Variants in ZNF804B observed in about 807,000 individuals in gnomAD.
The protein encoded by ZNF804B is zinc finger protein 804B.
ZNF804B carries 80 observed loss-of-function variants against 101.4 expected under a neutral mutation model. The observed-to-expected ratio is 0.79, with a 90% CI of 0.66 to 0.95. ZNF804B has a LOEUF of 0.95. ZNF804B is among the 40% of genes least tolerant of loss of function. ZNF804B has a pLI of 0.00. For missense variants in ZNF804B, 1,673 were observed against 1,561.9 expected, an observed-to-expected ratio of 1.07 and a Z score of -1.20; for synonymous variants, 622 against 558.8, an observed-to-expected ratio of 1.11 and a Z score of -1.59.
chr7:88,800,002 A>T (rs1790553738), intron 1 of ZNF804B, among the ~76,000 whole-genome samples: 3 of 152,064 alleles, frequency 2.0e-5, no homozygotes, highest in Admixed American at 2.0e-4. Context: ...TTCCATCTGG[A>T]ATACCAGGCT....
intron 1 of ZNF804B, among the ~76,000 whole-genome samples, chr7:89,172,574 C>G: frequency 6.6e-6 from 1 of 152,122 alleles, no homozygotes; most frequent in East Asian, 1.9e-4. Context: ...ATACAGTAAA[C>G]TAAAAATTTC....
intron 1 of ZNF804B, among the ~76,000 whole-genome samples, chr7:89,080,190 T>G (rs1321585586): frequency 6.6e-6 from 1 of 151,788 alleles, no homozygotes; most frequent in African/African-American, 2.4e-5. Context: ...TTGGGTCTAA[T>G]TTGAAGAAAC....
intron 1 of ZNF804B, among the ~76,000 whole-genome samples, chr7:89,072,476 G>A (rs1226264664): frequency 6.6e-6 from 1 of 152,060 alleles, no homozygotes; most frequent in Non-Finnish European, 1.5e-5. Context: ...TAAACATTTG[G>A]ATATCTGATA....
rs558992682 is a variant in ZNF804B, at chr7:89,205,682, C to A, written c.109-12473C>A. ...GGGCAGCTCCTTCCCTGTGACTTTG[C>A]AGGGTACATTCCCCCTCCTGGCTGT... On this transcript the variant is annotated intron_variant, in intron 1 of 3. Transcript: ENST00000333190. Among the ~76,000 whole-genome samples, 6 of 152,278 alleles carry A rather than the reference C, an allele frequency of 3.9e-5. No individual in the cohort carries two copies. The South Asian group carries it at 1.2e-3, about 32-fold the overall frequency.
intron 1 of ZNF804B, among the ~76,000 whole-genome samples, chr7:89,162,139 A>C (rs899913387): frequency 1.3e-5 from 2 of 152,086 alleles, no homozygotes; most frequent in East Asian, 1.9e-4. Flanking sequence ...GGCGGGGGGA[A>C]GTCTTATTGA....
intron 1 of ZNF804B, among the ~76,000 whole-genome samples, chr7:89,120,501 C>CA (rs1397649617): frequency 1.3e-5 from 2 of 151,056 alleles, no homozygotes; most frequent in East Asian, 3.9e-4. Flanking sequence ...ACTAAAAATA[C>CA]AAAAAAATTA....
At chr7:89,217,224 C>T (rs1470884887) in intron 1 of ZNF804B, among the ~76,000 whole-genome samples, 1 of 152,118 alleles carries the variant, frequency 6.6e-6, no homozygotes, top group African/African-American at 2.4e-5. Flanking sequence ...AAATATGATA[C>T]AGGCAAGGTA....
chr7:88,817,289 G>A (rs542269760), intron 1 of ZNF804B, among the ~76,000 whole-genome samples: 1 of 152,246 alleles, frequency 6.6e-6, no homozygotes, highest in South Asian at 2.1e-4. Flanking sequence ...TAAATAATGA[G>A]TTAATGGGTG....
chr7:89,012,113 G>T (rs1788473882), intron 1 of ZNF804B, among the ~76,000 whole-genome samples: 1 of 152,170 alleles, frequency 6.6e-6, no homozygotes, highest in Non-Finnish European at 1.5e-5. Flanking sequence ...AGCCACCGAA[G>T]TTTGGGGCTT....
At chr7:89,096,110 A>G (rs11763136) in intron 1 of ZNF804B, among the ~76,000 whole-genome samples, 75,507 of 150,258 alleles carry the variant, frequency 0.5, 19,491 homozygotes, top group Middle Eastern at 0.53. Flanking sequence ...AGTGGAGATC[A>G]CGCCACTGCA....
At chr7:88,890,835 T>G (rs1792204272) in intron 1 of ZNF804B, among the ~76,000 whole-genome samples, 1 of 152,164 alleles carries the variant, frequency 6.6e-6, no homozygotes, top group Non-Finnish European at 1.5e-5. Flanking sequence ...AATTTTTCAC[T>G]TATTCATAAC....
chr7:88,879,056 C>T (rs963639908), intron 1 of ZNF804B, among the ~76,000 whole-genome samples: 3 of 152,072 alleles, frequency 2.0e-5, no homozygotes, highest in East Asian at 1.9e-4. Flanking sequence ...GGCAGATTCC[C>T]GCGATACTCA....
intron 1 of ZNF804B, among the ~76,000 whole-genome samples, chr7:88,996,406 T>C (rs928376343): frequency 3.2e-4 from 48 of 152,114 alleles, no homozygotes; most frequent in African/African-American, 1.1e-3. Context: ...ATGTTCTTGT[T>C]TACCGGCTCT....
At position 89,063,048 on chromosome 7, in the gene ZNF804B, G is replaced by T. The variant is rs529834288; in HGVS notation, c.109-155107G>T. On this transcript the variant is annotated intron_variant, in intron 1 of 3. Transcript: ENST00000333190. Reference sequence around the variant, plus strand: ...AGTAATACTTTATTTCATGATTGTTGTAAGAAGTAGGATAATGTATTTGCA... The same window carrying T: ...AGTAATACTTTATTTCATGATTGTTTTAAGAAGTAGGATAATGTATTTGCA... 2.0e-5 allele frequency among the ~76,000 whole-genome samples: 3 copies of T among 152,180 alleles called. No homozygotes were observed. The South Asian group carries it at 6.2e-4, about 32-fold the overall frequency.
chr7:88,855,278 T>A (rs112527127), intron 1 of ZNF804B, among the ~76,000 whole-genome samples: 12,694 of 151,172 alleles, frequency 0.084, 389 homozygotes, highest in Non-Finnish European at 0.11. Flanking sequence ...GTTTCCTGAC[T>A]TTTTAATGAT....
intron 1 of ZNF804B, among the ~76,000 whole-genome samples, chr7:89,083,257 C>T (rs1789723781): frequency 6.6e-6 from 1 of 151,776 alleles, no homozygotes; most frequent in African/African-American, 2.4e-5. Flanking sequence ...CATACCTACA[C>T]AGTATAATAT....
chr7:89,212,476 A>C (rs1023565), intron 1 of ZNF804B, among the ~76,000 whole-genome samples: 108,195 of 152,044 alleles, frequency 0.71, 39,160 homozygotes, highest in African/African-American at 0.77. Context: ...AAATAAACTT[A>C]TAGACTAAAT....
At chr7:88,868,471 C>G (rs1791771169) in intron 1 of ZNF804B, among the ~76,000 whole-genome samples, 1 of 152,170 alleles carries the variant, frequency 6.6e-6, no homozygotes, top group Admixed American at 6.6e-5. Flanking sequence ...ATTTTTACCT[C>G]TTTTGAAATC....
chr7:88,764,230 ATATATTT>A (rs1441135868), intron 1 of ZNF804B, among the ~76,000 whole-genome samples: 1 of 152,168 alleles, frequency 6.6e-6, no homozygotes, highest in Non-Finnish European at 1.5e-5. Context: ...AATGGTAGAT[ATATATTT>A]TATCTGTGGT....
Sources: gnomAD v4.1 joint callset for allele counts (sites outside exome capture counted in the v4.1 genomes callset) on GRCh38, gnomAD v4.1.1 for gene constraint, MANE v1.5 for transcripts, NCBI Gene and HGNC (gene_info 2026-07-23, HGNC 2026-07-21) for gene names.